Variants in ZNF43 observed in about 807,000 individuals in gnomAD.
The protein encoded by ZNF43 is zinc finger protein 43.
ZNF43 carries 44 observed loss-of-function variants against 68.4 expected under a neutral mutation model. That is an observed-to-expected ratio of 0.64 (90% CI 0.51 to 0.83). The LOEUF (loss-of-function observed/expected upper bound fraction) is 0.83. Ranked by LOEUF, ZNF43 falls within the 40% of genes least tolerant of loss-of-function variation. The pLI, the probability that ZNF43 is intolerant of heterozygous loss-of-function variation, is 0.00. For missense variants in ZNF43, 896 were observed against 933.2 expected, an observed-to-expected ratio of 0.96 and a Z score of 0.52; for synonymous variants, 308 against 307.8, an observed-to-expected ratio of 1.00 and a Z score of -0.01.
upstream of ZNF43, among the ~76,000 whole-genome samples, chr19:21,837,299 A>T (rs948051751): frequency 3.3e-5 from 5 of 152,158 alleles, no homozygotes; most frequent in African/African-American, 9.7e-5. Flanking sequence ...TGGAATAATA[A>T]ATGGAATCCA....
rs1262512242 is a variant in ZNF43 at position 21,819,134 on chromosome 19, T to G, written c.91A>C (p.Asn31His). The part of the protein sequence containing the change: ...LDIAQQNLYR[N>H]VMLENYRNLV... The stretch of plus-strand genomic sequence containing the variant: ...TTTCTGTAGTTCTCTAACATCACAT[T>G]CCTATATAAATTCTGCTGTGCAATG... Residue 31 changes from asparagine to histidine, a missense_variant, in exon 2 of 4, where the codon AAT becomes CAT. Physicochemically the swap from Asn to His is moderately conservative, Grantham distance 68. Transcript: ENST00000354959. The G allele has an allele frequency of 6.2e-6, 10 of 1,611,728 alleles. No individual in the cohort carries two copies. Among genetic ancestry groups the G allele is most frequent in the Non-Finnish European group, 8.5e-6 (10 of 1,179,058 alleles).
chr19:21,808,844 T>C lies in ZNF43; in HGVS notation c.1193A>G (p.Tyr398Cys), dbSNP rs2037115463. 6.2e-7 allele frequency: 1 copy of C among 1,613,750 alleles called. No individual in the cohort carries two copies. Among genetic ancestry groups the C allele is most frequent in the African/African-American group, 1.3e-5 (1 of 75,000 alleles). ...AGCTTTGCCACATTCTTCACATTTG[T>C]AGGGTTTCTTTTCAGTATGAATTTT... is the stretch of plus-strand genomic sequence containing the variant. ...HKKIHTEKKPYKCEECGKAFK... is the reference protein window; with the variant it reads ...HKKIHTEKKPCKCEECGKAFK... The change falls in exon 4 of 4, where the codon TAC becomes TGC. Residue 398 changes from tyrosine to cysteine, a missense_variant. Tyr to Cys is a radical substitution (Grantham distance 194, BLOSUM62 -2). Transcript: ENST00000354959.
chr19:21,843,310 A>C (rs1219359425), intron 1 of ZNF43: 3 of 930,918 alleles, frequency 3.2e-6, no homozygotes, highest in Non-Finnish European at 3.8e-6. Flanking sequence ...GAGCAGAGGT[A>C]TGTGTCACAA....
intron 1 of ZNF43, among the ~76,000 whole-genome samples, chr19:21,835,227 C>G (rs1394430427): frequency 1.2e-4 from 12 of 98,244 alleles, no homozygotes; most frequent in African/African-American, 4.5e-4. Flanking sequence ...CCAGCCTGGG[C>G]AGCAAAAGCG....
chr19:21,820,140 A>C (rs1253357789), intron 1 of ZNF43, among the ~76,000 whole-genome samples: 4 of 130,304 alleles, frequency 3.1e-5, no homozygotes, highest in Admixed American at 7.5e-5. Context: ...TGGAGGTTGC[A>C]GTGAGCTGAG....
At chr19:21,845,815 C>T (rs1967907862) in intron 1 of ZNF43, among the ~76,000 whole-genome samples, 1 of 151,654 alleles carries the variant, frequency 6.6e-6, no homozygotes, top group African/African-American at 2.4e-5. Flanking sequence ...GTCGCTTGAA[C>T]CCAGGAGGCA....
At position 21,818,029 on chromosome 19, in the gene ZNF43, C is replaced by A. The variant is rs753149605; in HGVS notation, c.131-43G>T. ...AAATTACGTGAATCTTGCTCATATTCTCCCATTATTAACCTAGTAATGTGT... is the reference window on the plus strand; with the variant it reads ...AAATTACGTGAATCTTGCTCATATTATCCCATTATTAACCTAGTAATGTGT... On this transcript the variant is annotated intron_variant, in intron 2 of 3. Transcript: ENST00000354959. The A allele has an allele frequency of 3.2e-6, 5 of 1,561,228 alleles. No individual in the cohort carries two copies. In the South Asian group the frequency reaches 5.6e-5, roughly 17 times the overall value.
At chr19:21,849,280 G>A (rs1968169373) in intron 1 of ZNF43, among the ~76,000 whole-genome samples, 1 of 151,968 alleles carries the variant, frequency 6.6e-6, no homozygotes, top group African/African-American at 2.4e-5. Flanking sequence ...CCTGAGGTCG[G>A]GAGTTCTAGA....
At chr19:21,812,176 G>C in intron 3 of ZNF43, 1 of 362,226 alleles carries the variant, frequency 2.8e-6, no homozygotes, top group Non-Finnish European at 4.9e-6. Flanking sequence ...ACCCATGCTG[G>C]AGTGCAGCGG....
intron 1 of ZNF43, among the ~76,000 whole-genome samples, chr19:21,851,554 A>AG (rs2145445454): frequency 6.6e-6 from 1 of 151,230 alleles, no homozygotes; most frequent in East Asian, 1.9e-4. Flanking sequence ...AAAAAAAAAA[A>AG]AAAAAAAAAT....
intron 1 of ZNF43, among the ~76,000 whole-genome samples, chr19:21,835,374 T>C (rs1451210308): frequency 1.6e-3 from 225 of 143,326 alleles, no homozygotes; most frequent in African/African-American, 5.5e-3. Context: ...TTTTTTTTTT[T>C]CCAGAGGGAG....
At chr19:21,843,267 G>T in intron 1 of ZNF43, 1 of 567,754 alleles carries the variant, frequency 1.8e-6, no homozygotes, top group Non-Finnish European at 2.2e-6. Context: ...TGTGTACTGG[G>T]CCCAGGCAGG....
Position 21,808,223 on chromosome 19 carries a change from T to A in ZNF43, c.1814A>T (p.Gln605Leu). ...TTTATGTGTAGTAAGGTTTGAAGATTGGGTAAAAGCTTTGCCACATTCTTC... is the reference window on the plus strand; with the variant it reads ...TTTATGTGTAGTAAGGTTTGAAGATAGGGTAAAAGCTTTGCCACATTCTTC... ...KCEECGKAFT[Q>L]SSNLTTHKKI... is the part of the protein sequence containing the mutation. Residue 605 changes from glutamine (Q) to leucine (L), a missense_variant, in exon 4 of 4, where the codon CAA (glutamine) becomes CTA (leucine). Coordinates refer to ENST00000354959, the MANE Select transcript of ZNF43 (RefSeq NM_003423.4). The A allele has an allele frequency of 6.2e-7, 1 of 1,611,858 alleles. No homozygotes were observed. Among genetic ancestry groups the A allele is most frequent in the Non-Finnish European group, 8.5e-7 (1 of 1,179,346 alleles).
rs1033906125 is a variant in ZNF43 at position 21,805,820 on chromosome 19, T to C, written c.*1787A>G. The C allele has an allele frequency of 2.6e-5, 4 of 152,128 alleles. No individual in the cohort carries two copies. Among genetic ancestry groups the C allele is most frequent in the Non-Finnish European group, 5.9e-5 (4 of 68,016 alleles). The allele number at this position is 152,128 out of a possible 1,614,324, so 9.4% of individuals were successfully genotyped here. ...TGAAATAGATTAATAGAAATGTTAG[T>C]CCATTATGTTACCAAATAGTATATT... On this transcript the variant is annotated 3_prime_UTR_variant, in exon 4 of 4. Transcript: ENST00000354959.
intron 3 of ZNF43, among the ~76,000 whole-genome samples, chr19:21,810,533 A>G (rs557919546): frequency 1.3e-5 from 2 of 152,348 alleles, no homozygotes; most frequent in Non-Finnish European, 2.9e-5. Flanking sequence ...TCCAAACCAT[A>G]TCACAGACAA....
intron 1 of ZNF43, among the ~76,000 whole-genome samples, chr19:21,833,587 CAT>C (rs2038532624): frequency 1.3e-5 from 2 of 151,626 alleles, no homozygotes; most frequent in Non-Finnish European, 1.5e-5. Context: ...CTGTAGCACA[CAT>C]AGCCATGGTG....
intron 3 of ZNF43, among the ~76,000 whole-genome samples, chr19:21,815,301 C>T (rs901533432): frequency 6.6e-6 from 1 of 151,682 alleles, no homozygotes; most frequent in Non-Finnish European, 1.5e-5. Flanking sequence ...ATGAACTGTA[C>T]AGCAGTAAAA....
rs763064418 is a variant in ZNF43 at position 21,809,767 on chromosome 19, C to T, written c.270G>A (p.Gln90=). 13 of 1,586,266 alleles carry T rather than the reference C, an allele frequency of 8.2e-6. No individual in the cohort carries two copies. The highest frequency in any genetic ancestry group is 2.2e-5 in the East Asian group (1 of 44,692). ...SHFTQDFWPE[Q]HIKDPFQKAT... ...CTTTTTGGAAAGGATCTTTTATATG[C>T]TGCTCTGGCCAAAAGTCTTGGGTAA... is the stretch of plus-strand genomic sequence containing the variant. Residue 90 remains glutamine (Q), a synonymous_variant, in exon 4 of 4, where the codon CAG becomes CAA. Coordinates refer to ENST00000354959, the MANE Select transcript of ZNF43 (RefSeq NM_003423.4).
chr19:21,838,145 G>A (rs1967247547), upstream of ZNF43: 1 of 152,084 alleles, frequency 6.6e-6, no homozygotes, highest in African/African-American at 2.4e-5. Flanking sequence ...GAATTTCCTT[G>A]TTGGCTAATT....
Sources: allele counts gnomAD v4.1 joint callset (sites outside exome capture counted in the v4.1 genomes callset), GRCh38; gene constraint gnomAD v4.1.1; transcripts MANE v1.5; gene names NCBI Gene and HGNC (gene_info 2026-07-23, HGNC 2026-07-21).